Variants in OPN5 observed in about 807,000 individuals in gnomAD.
The protein encoded by OPN5 is opsin 5, also known as opsin-5.
Under a neutral mutation model 41.7 loss-of-function variants are expected in OPN5, and 18 were observed. That is an observed-to-expected ratio of 0.43 (90% confidence interval 0.30 to 0.64). OPN5 has a LOEUF of 0.64. Among genes scored for constraint, OPN5 ranks in the 30% least tolerant of loss-of-function variants. The pLI is 0.13. For synonymous variants in OPN5, 178 were observed against 164.3 expected, an observed-to-expected ratio of 1.08 and a Z score of -0.64; for missense variants, 318 against 434.5, an observed-to-expected ratio of 0.73 and a Z score of 2.38.
intron 4 of OPN5, among the ~76,000 whole-genome samples, chr6:47,804,372 C>T (rs941279733): frequency 2.4e-4 from 36 of 151,888 alleles, no homozygotes; most frequent in African/African-American, 8.7e-4. Context: ...TTAGAACTGG[C>T]TTAAGGATAT....
At chr6:47,811,701 GTCT>G in exon 6 of OPN5, 1 of 1,612,706 alleles carries the variant, frequency 6.2e-7, no homozygotes, top group Non-Finnish European at 8.5e-7. Flanking sequence ...CAGTCAGGAA[GTCT>G]TCTGCTGTGC....
At chr6:47,783,538 T>C (rs1773129216) in intron 1 of OPN5, among the ~76,000 whole-genome samples, 1 of 152,236 alleles carries the variant, frequency 6.6e-6, no homozygotes, top group South Asian at 2.1e-4. Flanking sequence ...ACTCATGTGA[T>C]TCAACCAAAT....
chr6:47,800,697 G>C (rs187716150), intron 4 of OPN5, among the ~76,000 whole-genome samples: 1 of 152,178 alleles, frequency 6.6e-6, no homozygotes, highest in African/African-American at 2.4e-5. Flanking sequence ...ATTTAAACTT[G>C]AGCCTAAATG....
At chr6:47,794,518 G>T (rs1773481851) in intron 3 of OPN5, among the ~76,000 whole-genome samples, 1 of 152,084 alleles carries the variant, frequency 6.6e-6, no homozygotes. Flanking sequence ...ATTCTCTTTT[G>T]GTTAACAGAA....
At chr6:47,786,739 T>A in intron 2 of OPN5, 105 bp downstream of exon 2, 1 of 945,650 alleles carries the variant, frequency 1.1e-6, no homozygotes, top group Non-Finnish European at 1.6e-6. Flanking sequence ...CCTTCACATC[T>A]CCTTCCACTC....
intron 5 of OPN5, among the ~76,000 whole-genome samples, chr6:47,810,423 T>G (rs1774146436): frequency 1.3e-5 from 2 of 152,038 alleles, no homozygotes; most frequent in African/African-American, 4.8e-5. Context: ...TTGTTGTTAT[T>G]AAGAAGTTAT....
intron 6 of OPN5, among the ~76,000 whole-genome samples, chr6:47,813,820 G>T (rs1239557120): frequency 6.6e-6 from 1 of 152,134 alleles, no homozygotes; most frequent in Non-Finnish European, 1.5e-5. Context: ...TTACATGGAT[G>T]AAGAAGAGTT....
intron 6 of OPN5, among the ~76,000 whole-genome samples, chr6:47,814,651 A>G (rs1308176030): frequency 6.6e-6 from 1 of 152,152 alleles, no homozygotes; most frequent in East Asian, 1.9e-4. Flanking sequence ...GCTCATGTAC[A>G]CCAGACTGTC....
At chr6:47,782,184 C>T in exon 1 of OPN5, 1 of 1,613,260 alleles carries the variant, frequency 6.2e-7, no homozygotes, top group Non-Finnish European at 8.5e-7. Flanking sequence ...TGGCTTTTAC[C>T]TAACAATAAT....
chr6:47,808,948 G>C (rs1774083633), intron 5 of OPN5, among the ~76,000 whole-genome samples: 1 of 152,192 alleles, frequency 6.6e-6, no homozygotes. Context: ...TAAGGTTAAA[G>C]TTAAGTAAGC....
chr6:47,802,557 A>G (rs138680292), intron 4 of OPN5, among the ~76,000 whole-genome samples: 243 of 152,274 alleles, frequency 1.6e-3, no homozygotes, highest in African/African-American at 5.2e-3. Context: ...CATGTCTATG[A>G]AAATGACTAG....
chr6:47,822,987 C>G (rs1454650179), intron 6 of OPN5, among the ~76,000 whole-genome samples: 1 of 152,156 alleles, frequency 6.6e-6, no homozygotes, highest in African/African-American at 2.4e-5. Context: ...CTTGGTTGCT[C>G]TGAGTAACAC....
intron 6 of OPN5, among the ~76,000 whole-genome samples, chr6:47,820,899 C>A (rs566774225): frequency 6.6e-6 from 1 of 152,066 alleles, no homozygotes. Flanking sequence ...GGAAGCCTTA[C>A]CAAGAACAGA....
intron 6 of OPN5, chr6:47,811,969 C>G (rs867220559): frequency 3.2e-6 from 1 of 315,100 alleles, no homozygotes; most frequent in Non-Finnish European, 5.8e-6. Flanking sequence ...TTTCTTTTCT[C>G]GTACTTTAAA....
At chr6:47,786,769 T>A in intron 2 of OPN5, 135 bp downstream of exon 2, 1 of 745,000 alleles carries the variant, frequency 1.3e-6, no homozygotes, top group Non-Finnish European at 2.1e-6. Flanking sequence ...CAAATCAACT[T>A]TCAGAGTTTT....
At chr6:47,812,385 G>A (rs1581754461) in intron 6 of OPN5, among the ~76,000 whole-genome samples, 1 of 152,268 alleles carries the variant, frequency 6.6e-6, no homozygotes, top group South Asian at 2.1e-4. Context: ...CTAAAACAGT[G>A]GATGTAACAG....
chr6:47,821,464 T>C (rs1205175684), intron 6 of OPN5, among the ~76,000 whole-genome samples: 1 of 152,156 alleles, frequency 6.6e-6, no homozygotes, highest in African/African-American at 2.4e-5. Context: ...GCACACTGAA[T>C]GTCTTGGCAC....
At chr6:47,808,010 AT>A in intron 4 of OPN5, 143 bp from the exon 5 acceptor site, 1 of 771,542 alleles carries the variant, frequency 1.3e-6, no homozygotes, top group Non-Finnish European at 2.2e-6. Flanking sequence ...ATATGAAATG[AT>A]TCCTATGTAC....
exon 4 of OPN5, chr6:47,795,249 C>A: frequency 1.9e-6 from 3 of 1,599,526 alleles, no homozygotes; most frequent in Non-Finnish European, 2.6e-6. Flanking sequence ...GAAAAGAAAG[C>A]ACGCCTACAT....
Sources: allele counts gnomAD v4.1 joint callset (sites outside exome capture counted in the v4.1 genomes callset), GRCh38; gene constraint gnomAD v4.1.1; transcripts MANE v1.5; gene names NCBI Gene and HGNC (gene_info 2026-07-23, HGNC 2026-07-21).